PRKAG2: variants seen among roughly 807,000 people sequenced by gnomAD.
PRKAG2 encodes the protein protein kinase AMP-activated non-catalytic subunit gamma 2.
Under a neutral mutation model 69.6 loss-of-function variants are expected in PRKAG2, and 26 were observed. That is an observed-to-expected ratio of 0.37 (90% CI 0.27 to 0.52). The LOEUF is 0.52. Ranked by LOEUF, PRKAG2 falls within the 20% of genes least tolerant of loss-of-function variation. The pLI, the probability that PRKAG2 is intolerant of heterozygous loss-of-function variation, is 0.90. For missense variants in PRKAG2, 557 were observed against 740.0 expected (o/e 0.75, Z 2.87); for synonymous variants, 293 against 285.0 (o/e 1.03, Z -0.28).
At chr7:151,796,068 T>C (rs1206682276) in intron 1 of PRKAG2, among the ~76,000 whole-genome samples, 1 of 151,834 alleles carries the variant, frequency 6.6e-6, no homozygotes, top group East Asian at 1.9e-4. Flanking sequence ...AGGAGATCTA[T>C]ATGCTTGGAT....
In PRKAG2 at chr7:151,855,423, G is replaced by GCC. The variant is rs2079731869; in HGVS notation, c.114+21083_114+21084insGG. The stretch of plus-strand genomic sequence containing the variant: ...ACACACCACCCTCCACATACACCAT[G>GCC]CTCCACACACACCGCCCTCCACACA... On this transcript the variant is annotated intron_variant, in intron 1 of 15. Transcript: ENST00000287878. Among the ~76,000 whole-genome samples the GCC allele has an allele frequency of 9.0e-3, 46 of 5,110 alleles. 12 individuals carry two copies. Among genetic ancestry groups the GCC allele is most frequent in the Non-Finnish European group, 0.014 (35 of 2,468 alleles). The allele number at this position is 5,110 out of a possible 152,430, so 3.4% of individuals were successfully genotyped here. A position where few individuals can be genotyped will look rare whatever the true frequency, so the allele number is the denominator to read the frequency against.
chr7:151,786,366 GGT>G, intron 2 of PRKAG2, 102 bp downstream of exon 2: 1 of 1,136,890 alleles, frequency 8.8e-7, no homozygotes, highest in Non-Finnish European at 1.3e-6. Context: ...CGGACATGCG[GGT>G]GGGCGTGAGG....
At chr7:151,768,033 C>T (rs547734197) in intron 3 of PRKAG2, among the ~76,000 whole-genome samples, 3 of 152,308 alleles carry the variant, frequency 2.0e-5, no homozygotes, top group African/African-American at 4.8e-5. Context: ...GCTGCTGATG[C>T]ATGACAAGCT....
rs1050909494 is a variant in PRKAG2 at position 151,814,881 on chromosome 7, A to C, written c.115-28340T>G. Reference sequence around the variant, plus strand: ...TGCTGGGGAGGAAACTCCTTACCACACAGCAAGCCAGCAGGAGGGAGGGCT... The same window carrying C: ...TGCTGGGGAGGAAACTCCTTACCACCCAGCAAGCCAGCAGGAGGGAGGGCT... On this transcript the variant is annotated intron_variant, in intron 1 of 15. Transcript: ENST00000287878. The surrounding 1 kb of genome is among the most constrained non-coding windows in gnomAD (Gnocchi z 4.8). 4.1e-6 allele frequency: 5 copies of C among 1,231,550 alleles called. No homozygotes were observed. The highest frequency in any genetic ancestry group is 5.1e-6 in the Non-Finnish European group (5 of 987,954). The allele number at this position is 1,231,550 out of a possible 1,614,324, so 76.3% of individuals were successfully genotyped here.
At chr7:151,742,949 T>C (rs2074004315) in intron 3 of PRKAG2, among the ~76,000 whole-genome samples, 1 of 152,192 alleles carries the variant, frequency 6.6e-6, no homozygotes, top group Admixed American at 6.5e-5. Flanking sequence ...CGCCTTCCCA[T>C]TGCAGGGCAG....
chr7:151,576,464 G>A lies in PRKAG2; in HGVS notation c.865-12C>T. On this transcript the variant is annotated splice_polypyrimidine_tract_variant and intron_variant, in intron 6 of 15. Coordinates refer to ENST00000287878, the MANE Select transcript of PRKAG2 (RefSeq NM_016203.4). ...AAGGCCTTTTTAACCTGAAGAAAAA[G>A]AGGAGAAACAAAACATACTTTCAAA... is the stretch of plus-strand genomic sequence containing the variant. 1 of 1,568,064 alleles carries A rather than the reference G, an allele frequency of 6.4e-7. No homozygotes were observed. Among genetic ancestry groups the A allele is most frequent in the Non-Finnish European group, 8.8e-7 (1 of 1,138,676 alleles).
At chr7:151,711,372 T>C (rs1183854679) in intron 3 of PRKAG2, among the ~76,000 whole-genome samples, 1 of 148,572 alleles carries the variant, frequency 6.7e-6, no homozygotes, top group Non-Finnish European at 1.5e-5. Flanking sequence ...AGAGTACTAA[T>C]AGTGCTAGGC....
At chr7:151,800,943 G>A (rs1286759329) in intron 1 of PRKAG2, among the ~76,000 whole-genome samples, 1 of 152,248 alleles carries the variant, frequency 6.6e-6, no homozygotes, top group East Asian at 1.9e-4. Flanking sequence ...TGCAGGGTCA[G>A]GGAGGGGCAG....
intron 4 of PRKAG2, among the ~76,000 whole-genome samples, chr7:151,648,379 G>A (rs910269663): frequency 6.6e-6 from 1 of 152,156 alleles, no homozygotes; most frequent in South Asian, 2.1e-4. Context: ...CCGCCTGAAA[G>A]CATCTTGCAT....
intron 1 of PRKAG2, among the ~76,000 whole-genome samples, chr7:151,804,921 G>A (rs992475564): frequency 3.9e-5 from 6 of 152,182 alleles, no homozygotes; most frequent in African/African-American, 1.4e-4. Flanking sequence ...AGGTCATGAT[G>A]TGAAGTTCCT....
At chr7:151,789,833 C>T (rs566771874) in intron 1 of PRKAG2, among the ~76,000 whole-genome samples, 1 of 152,330 alleles carries the variant, frequency 6.6e-6, no homozygotes, top group East Asian at 1.9e-4. Context: ...TCTCAGGAGT[C>T]TCAGACACAG....
At chr7:151,661,613 G>A (rs940727595) in intron 4 of PRKAG2, among the ~76,000 whole-genome samples, 4 of 152,168 alleles carry the variant, frequency 2.6e-5, no homozygotes, top group Non-Finnish European at 4.4e-5. Flanking sequence ...GCTACGATGA[G>A]CAGCTGACAT....
intron 3 of PRKAG2, among the ~76,000 whole-genome samples, chr7:151,703,640 G>GC: frequency 6.6e-6 from 1 of 152,174 alleles, no homozygotes; most frequent in South Asian, 2.1e-4. Context: ...CCACATGGCA[G>GC]CCCCCTTCAA....
chr7:151,563,985 C>G, intron 14 of PRKAG2, 93 bp downstream of exon 14: 1 of 1,579,362 alleles, frequency 6.3e-7, no homozygotes, highest in Non-Finnish European at 8.7e-7. Context: ...TCGCTGGGCC[C>G]TTCCTGAGAT....
chr7:151,854,557 G>A (rs934980484), intron 1 of PRKAG2, among the ~76,000 whole-genome samples: 3 of 152,240 alleles, frequency 2.0e-5, no homozygotes, highest in South Asian at 2.1e-4. Flanking sequence ...GCCAGGCAGC[G>A]GGAATCCAGC....
chr7:151,729,313 A>T (rs931816999), intron 3 of PRKAG2, among the ~76,000 whole-genome samples: 6 of 151,906 alleles, frequency 3.9e-5, no homozygotes, highest in African/African-American at 1.5e-4. Context: ...ACAAACAAGG[A>T]TGCCGCACCC....
chr7:151,767,034 C>G (rs550056846), intron 3 of PRKAG2, among the ~76,000 whole-genome samples: 76 of 152,126 alleles, frequency 5.0e-4, no homozygotes, highest in Non-Finnish European at 9.6e-4. Flanking sequence ...GTCAGAGGGT[C>G]CCGTAGTCCA....
At chr7:151,787,442 A>G (rs1014668027) in intron 1 of PRKAG2, among the ~76,000 whole-genome samples, 15 of 151,634 alleles carry the variant, frequency 9.9e-5, no homozygotes, top group African/African-American at 3.2e-4. Flanking sequence ...GGTACCTCAT[A>G]TAAGTAGCAT....
Position 151,826,672 on chromosome 7 carries a change from T to C in PRKAG2, c.115-40131A>G, listed in dbSNP as rs73160029. On this transcript the variant is annotated intron_variant, in intron 1 of 15. Coordinates refer to ENST00000287878, the MANE Select transcript of PRKAG2 (RefSeq NM_016203.4). ...TAATGACTGTAAGTGAAAATAAATG[T>C]TCTAAAGGGACATTAAACAAATACT... 6.9e-3 allele frequency among the ~76,000 whole-genome samples: 1,058 copies of C among 152,354 alleles called. 7 individuals are homozygous for C. The highest frequency in any genetic ancestry group is 0.02 in the South Asian group (97 of 4,828).
Sources: allele counts gnomAD v4.1 joint callset (sites outside exome capture counted in the v4.1 genomes callset), GRCh38; gene constraint gnomAD v4.1.1; non-coding constraint Gnocchi (gnomAD v3.1); transcripts MANE v1.5; gene names NCBI Gene and HGNC (gene_info 2026-07-23, HGNC 2026-07-21).